The following MAPKAP1 variants were observed in gnomAD, a reference collection of about 807,000 sequenced individuals.
MAPKAP1 encodes the protein MAPK associated protein 1, also known as target of rapamycin complex 2 subunit MAPKAP1.
A neutral mutation model predicts 65.7 loss-of-function variants in MAPKAP1; 20 were observed. The ratio of observed to expected loss-of-function variants is 0.30; its 90% confidence interval spans 0.21 to 0.44. MAPKAP1 has a LOEUF of 0.44. Ranked by LOEUF, MAPKAP1 falls within the 20% of genes least tolerant of loss-of-function variation. The pLI is 1.00. For synonymous variants in MAPKAP1, 222 were observed against 244.3 expected, an observed-to-expected ratio of 0.91 and a Z score of 0.85; for missense variants, 423 against 648.0, an observed-to-expected ratio of 0.65 and a Z score of 3.77.
intron 10 of MAPKAP1, 112 bp from the exon 11 acceptor site, chr9:125,444,710 C>T: frequency 1.4e-6 from 1 of 690,780 alleles, no homozygotes; most frequent in South Asian, 1.9e-5. Context: ...GGAGGCTGAG[C>T]AGCACCTAGT....
At chr9:125,639,455 T>C (rs561824532) in intron 4 of MAPKAP1, among the ~76,000 whole-genome samples, 3 of 152,376 alleles carry the variant, frequency 2.0e-5, no homozygotes, top group East Asian at 3.9e-4. Flanking sequence ...GCACTCAGAA[T>C]TGTGCCTGGC....
rs1589194272 is a variant in MAPKAP1, at chr9:125,444,482, T to G, written c.1443+19A>C. 6.3e-7 allele frequency: 1 copy of G among 1,588,042 alleles called. No individual in the cohort carries two copies. Among genetic ancestry groups the G allele is most frequent in the Non-Finnish European group, 8.6e-7 (1 of 1,158,846 alleles). On this transcript the variant is annotated intron_variant, in intron 11 of 11. Transcript: ENST00000265960. ...CTGGACCCACCTACCCTGTCTCTGG[T>G]TCAAGAAGGAATACTCACCTTGAGC...
At position 125,456,990 on chromosome 9, in the gene MAPKAP1, A is replaced by ATTT. The variant is rs36063329; in HGVS notation, c.1345+10979_1345+10981dup. On this transcript the variant is annotated intron_variant, in intron 10 of 11. Coordinates refer to ENST00000265960, the MANE Select transcript of MAPKAP1 (RefSeq NM_001006617.3). The stretch of plus-strand genomic sequence containing the variant: ...ATACTAATCTGCTCCCATTTAGTGA[A>ATTT]TTTTTTTTTTTTTTTTGAGACAGAG... Among the ~76,000 whole-genome samples the ATTT allele has an allele frequency of 1.2e-3, 175 of 143,616 alleles. 1 individual carries two copies. The highest frequency in any genetic ancestry group is 4.1e-3 in the African/African-American group (159 of 38,726). 94.2% of individuals were successfully genotyped at this position (143,616 alleles called of 152,430 possible). A position where few individuals can be genotyped will look rare whatever the true frequency, so the allele number is the denominator to read the frequency against.
chr9:125,624,550 C>T (rs1489118993), intron 4 of MAPKAP1, among the ~76,000 whole-genome samples: 2 of 63,710 alleles, frequency 3.1e-5, no homozygotes, highest in South Asian at 8.7e-4. Flanking sequence ...CCGCCCTGTC[C>T]GGGAGGGAGG....
intron 4 of MAPKAP1, among the ~76,000 whole-genome samples, chr9:125,643,806 C>T (rs920001523): frequency 2.0e-5 from 3 of 152,138 alleles, no homozygotes; most frequent in African/African-American, 7.2e-5. Flanking sequence ...AAATTACCCT[C>T]CAGAAAACTT....
chr9:125,530,314 G>A (rs1829899123), intron 7 of MAPKAP1, among the ~76,000 whole-genome samples: 1 of 152,174 alleles, frequency 6.6e-6, no homozygotes, highest in African/African-American at 2.4e-5. Context: ...GAGATGTAAT[G>A]GGCACATGCA....
intron 5 of MAPKAP1, among the ~76,000 whole-genome samples, chr9:125,576,342 T>C (rs1831395479): frequency 6.6e-6 from 1 of 152,190 alleles, no homozygotes; most frequent in African/African-American, 2.4e-5. Flanking sequence ...TAATGCAAGA[T>C]ATTAGTAACA....
intron 5 of MAPKAP1, among the ~76,000 whole-genome samples, chr9:125,574,310 T>C (rs1424362452): frequency 1.3e-5 from 2 of 152,238 alleles, no homozygotes; most frequent in African/African-American, 4.8e-5. Flanking sequence ...GAGAAAAGCA[T>C]TTCTGACTAC....
At chr9:125,599,228 A>C (rs1427746721) in intron 4 of MAPKAP1, among the ~76,000 whole-genome samples, 1 of 152,174 alleles carries the variant, frequency 6.6e-6, no homozygotes, top group Non-Finnish European at 1.5e-5. Context: ...TCCCCTTTGA[A>C]ATATCAACAA....
At chr9:125,555,694 C>T (rs1231313624) in intron 6 of MAPKAP1, among the ~76,000 whole-genome samples, 1 of 152,230 alleles carries the variant, frequency 6.6e-6, no homozygotes, top group Non-Finnish European at 1.5e-5. Flanking sequence ...GCTCAGGATA[C>T]AGAGAGACAA....
intron 9 of MAPKAP1, among the ~76,000 whole-genome samples, chr9:125,481,098 G>GAA (rs1363766728): frequency 6.6e-5 from 10 of 152,054 alleles, no homozygotes; most frequent in Non-Finnish European, 1.5e-4. Context: ...ATTGAAAAGG[G>GAA]AAAAGACTTG....
chr9:125,676,258 C>G (rs1588063624), intron 1 of MAPKAP1, among the ~76,000 whole-genome samples: 1 of 152,082 alleles, frequency 6.6e-6, no homozygotes, highest in African/African-American at 2.4e-5. Flanking sequence ...AGGATTTGTT[C>G]TAAGGAGATA....
chr9:125,578,905 G>A (rs566897861), intron 5 of MAPKAP1, among the ~76,000 whole-genome samples: 115 of 152,186 alleles, frequency 7.6e-4, no homozygotes, highest in Admixed American at 1.7e-3. Context: ...ATAACCGATA[G>A]AGAATAATTA....
chr9:125,475,878 A>G (rs2133011531), intron 9 of MAPKAP1, among the ~76,000 whole-genome samples: 1 of 152,342 alleles, frequency 6.6e-6, no homozygotes, highest in East Asian at 1.9e-4. Flanking sequence ...CCCCATGTTC[A>G]GGCCCTGTTG....
At chr9:125,593,731 A>T (rs1475607173) in intron 4 of MAPKAP1, among the ~76,000 whole-genome samples, 1 of 152,264 alleles carries the variant, frequency 6.6e-6, no homozygotes, top group Non-Finnish European at 1.5e-5. Flanking sequence ...AACATTCTCC[A>T]GAGCAGCTCC....
chr9:125,635,559 G>T (rs1367276518), intron 4 of MAPKAP1, among the ~76,000 whole-genome samples: 2 of 152,202 alleles, frequency 1.3e-5, no homozygotes, highest in Non-Finnish European at 2.9e-5. Flanking sequence ...CCCTGTCTGA[G>T]AAAGAGACTA....
chr9:125,615,875 C>CT (rs1351262526), intron 4 of MAPKAP1, among the ~76,000 whole-genome samples: 4 of 150,508 alleles, frequency 2.7e-5, no homozygotes, highest in African/African-American at 9.8e-5. Flanking sequence ...GATCACGCTG[C>CT]TGCACTCCAG....
At chr9:125,440,545 G>A (rs893516759) in intron 11 of MAPKAP1, among the ~76,000 whole-genome samples, 6 of 152,252 alleles carry the variant, frequency 3.9e-5, no homozygotes, top group African/African-American at 1.4e-4. Context: ...GTGCCAGAGG[G>A]AGAGGAGCTT....
intron 1 of MAPKAP1, among the ~76,000 whole-genome samples, chr9:125,698,336 T>A (rs7847453): frequency 0.023 from 2,612 of 112,562 alleles, 157 homozygotes; most frequent in African/African-American, 0.081. Context: ...TATATATATA[T>A]AAAATATATA....
Sources: allele counts gnomAD v4.1 joint callset (sites outside exome capture counted in the v4.1 genomes callset), GRCh38; gene constraint gnomAD v4.1.1; transcripts MANE v1.5; gene names NCBI Gene and HGNC (gene_info 2026-07-23, HGNC 2026-07-21).